ADGRL3: variants seen among roughly 807,000 people sequenced by gnomAD.
The protein encoded by ADGRL3 is adhesion G protein-coupled receptor L3.
In ADGRL3, 62 loss-of-function variants were observed where a neutral mutation model predicts 153.5. That is an observed-to-expected ratio of 0.40 (90% confidence interval 0.33 to 0.50). The LOEUF (loss-of-function observed/expected upper bound fraction) is 0.50. Among genes scored for constraint, ADGRL3 ranks in the 20% least tolerant of loss-of-function variants. ADGRL3 has a pLI of 0.47. For missense variants in ADGRL3, 1,641 were observed against 1,859.4 expected (o/e 0.88, Z 2.16); for synonymous variants, 710 against 672.5 (o/e 1.06, Z -0.86).
At chr4:61,499,869 C>T (rs1213703009) in intron 3 of ADGRL3, among the ~76,000 whole-genome samples, 3 of 151,974 alleles carry the variant, frequency 2.0e-5, no homozygotes, top group Admixed American at 6.6e-5. Flanking sequence ...ACTAAAATTC[C>T]TGGTCCCTAA....
At chr4:61,544,876 A>T (rs1410692419) in intron 4 of ADGRL3, among the ~76,000 whole-genome samples, 2 of 152,240 alleles carry the variant, frequency 1.3e-5, no homozygotes, top group East Asian at 3.9e-4. Flanking sequence ...TTTCACTAAC[A>T]CTTTGCAATA....
chr4:61,587,575 AC>A (rs2098951454), intron 5 of ADGRL3, 135 bp downstream of exon 5: 2 of 657,142 alleles, frequency 3.0e-6, no homozygotes, highest in Admixed American at 6.3e-5. Flanking sequence ...TCCATATCTG[AC>A]TATTCCTTGT....
chr4:61,794,354 A>AT (rs1308208641), intron 8 of ADGRL3, among the ~76,000 whole-genome samples: 1 of 152,192 alleles, frequency 6.6e-6, no homozygotes, highest in Non-Finnish European at 1.5e-5. Flanking sequence ...TGTCTTTAGT[A>AT]TTTTTTTCAC....
chr4:61,841,273 A>T (rs2098027542), intron 9 of ADGRL3, among the ~76,000 whole-genome samples: 1 of 151,874 alleles, frequency 6.6e-6, no homozygotes, highest in African/African-American at 2.4e-5. Context: ...AAAATTGTTG[A>T]TCGCTACCAG....
chr4:61,354,417 A>G (rs1446690770), intron 1 of ADGRL3, among the ~76,000 whole-genome samples: 1 of 152,212 alleles, frequency 6.6e-6, no homozygotes, highest in Non-Finnish European at 1.5e-5. Context: ...ATGTTAAGGC[A>G]ATACAAATAA....
chr4:61,925,744 C>G (rs1476091832), intron 13 of ADGRL3, among the ~76,000 whole-genome samples: 1 of 152,076 alleles, frequency 6.6e-6, no homozygotes, highest in African/African-American at 2.4e-5. Flanking sequence ...CCCCCATGAC[C>G]CAAACACCTC....
chr4:61,749,446 A>G (rs1249777362), intron 8 of ADGRL3, among the ~76,000 whole-genome samples: 1 of 151,904 alleles, frequency 6.6e-6, no homozygotes, highest in Non-Finnish European at 1.5e-5. Flanking sequence ...AATAGCAAAG[A>G]CTTGGAACCA....
intron 6 of ADGRL3, among the ~76,000 whole-genome samples, chr4:61,693,763 G>A (rs2095582754): frequency 6.6e-6 from 1 of 152,158 alleles, no homozygotes; most frequent in South Asian, 2.1e-4. Context: ...AGAAAGGACT[G>A]GCAGTGTCAG....
At chr4:61,563,593 C>T (rs1177455629) in intron 4 of ADGRL3, among the ~76,000 whole-genome samples, 3 of 152,352 alleles carry the variant, frequency 2.0e-5, no homozygotes, top group Non-Finnish European at 2.9e-5. Context: ...GGAAATCTGT[C>T]GTTTAGTGTA....
At chr4:61,358,064 A>G (rs1260952224) in intron 1 of ADGRL3, among the ~76,000 whole-genome samples, 1 of 152,150 alleles carries the variant, frequency 6.6e-6, no homozygotes, top group Admixed American at 6.5e-5. Context: ...TTTTGAACAC[A>G]TTCCCATCAG....
intron 1 of ADGRL3, among the ~76,000 whole-genome samples, chr4:61,362,193 G>T (rs1365124748): frequency 6.6e-6 from 1 of 151,144 alleles, no homozygotes. Flanking sequence ...AGTAGAGACG[G>T]TGTTTCACTA....
intron 1 of ADGRL3, among the ~76,000 whole-genome samples, chr4:61,298,655 T>C (rs1243098494): frequency 8.5e-5 from 13 of 152,300 alleles, no homozygotes; most frequent in African/African-American, 2.9e-4. Flanking sequence ...GACAACCATT[T>C]CTACATTAAA....
intron 8 of ADGRL3, among the ~76,000 whole-genome samples, chr4:61,785,886 A>G (rs760116187): frequency 6.6e-6 from 1 of 152,128 alleles, no homozygotes; most frequent in Non-Finnish European, 1.5e-5. Context: ...TTGGAATGGT[A>G]TTTTTAAAAA....
chr4:61,358,469 C>T (rs1366423575), intron 1 of ADGRL3, among the ~76,000 whole-genome samples: 5 of 151,756 alleles, frequency 3.3e-5, no homozygotes, highest in East Asian at 1.9e-4. Context: ...TGGTGGCGGG[C>T]GCCTGTAGTC....
In ADGRL3 at chr4:62,070,247, A is replaced by G; in HGVS notation, c.3971A>G (p.His1324Arg). The G allele has an allele frequency of 1.2e-6, 2 of 1,612,764 alleles. No individual in the cohort carries two copies. The highest frequency in any genetic ancestry group is 1.7e-6 in the Non-Finnish European group (2 of 1,179,286). ...CAAATCATAGACCGTGGCTATAACC[A>G]TAACGAGACCGCCCTAGAGAAAAAG... ...CVQIIDRGYN[H>R]NETALEKKIL... The change falls in exon 27 of 27, where the codon CAT (histidine) becomes CGT (arginine). Residue 1324 changes from histidine to arginine, a missense_variant. Coordinates refer to ENST00000683033, the MANE Select transcript of ADGRL3 (RefSeq NM_001387552.1).
intron 17 of ADGRL3, among the ~76,000 whole-genome samples, chr4:61,958,476 A>G (rs1270125610): frequency 6.6e-6 from 1 of 151,546 alleles, no homozygotes; most frequent in Non-Finnish European, 1.5e-5. Flanking sequence ...GTTCATTTTC[A>G]CACTGCTATA....
chr4:61,461,951 C>A (rs1310897946), intron 2 of ADGRL3, among the ~76,000 whole-genome samples: 3 of 152,044 alleles, frequency 2.0e-5, no homozygotes, highest in Admixed American at 2.0e-4. Flanking sequence ...TAGTTAATTA[C>A]AAAATTCAAA....
At chr4:61,737,735 A>G (rs2096535860) in intron 8 of ADGRL3, among the ~76,000 whole-genome samples, 1 of 152,160 alleles carries the variant, frequency 6.6e-6, no homozygotes, top group Non-Finnish European at 1.5e-5. Context: ...AGCTCATATA[A>G]CTTATTCCAA....
At chr4:61,679,563 A>AATT (rs572155647) in intron 6 of ADGRL3, among the ~76,000 whole-genome samples, 1 of 152,060 alleles carries the variant, frequency 6.6e-6, no homozygotes, top group Non-Finnish European at 1.5e-5. Context: ...ACTTATTTAA[A>AATT]ATAGTTATAG....
Sources: allele counts gnomAD v4.1 joint callset (sites outside exome capture counted in the v4.1 genomes callset), GRCh38; gene constraint gnomAD v4.1.1; transcripts MANE v1.5; gene names NCBI Gene and HGNC (gene_info 2026-07-23, HGNC 2026-07-21).